The following ABAT variants were observed in gnomAD, a reference collection of about 807,000 sequenced individuals.
ABAT encodes the protein 4-aminobutyrate aminotransferase.
ABAT carries 45 observed loss-of-function variants against 64.6 expected under a neutral mutation model. The ratio of observed to expected loss-of-function variants is 0.70; its 90% CI spans 0.55 to 0.89. The LOEUF (loss-of-function observed/expected upper bound fraction) is 0.89, where lower values mean the gene tolerates loss of function less well. Among genes scored for constraint, ABAT ranks in the 40% least tolerant of loss-of-function variants. The probability of loss-of-function intolerance (pLI) is 0.00; values close to 1 mark genes in which losing one functional copy is unlikely to be tolerated. For missense variants in ABAT, 633 were observed against 658.4 expected (o/e 0.96, Z 0.42); for synonymous variants, 297 against 250.5 (o/e 1.19, Z -1.75).
intron 5 of ABAT, among the ~76,000 whole-genome samples, chr16:8,753,136 C>T (rs893215875): frequency 6.6e-6 from 1 of 150,632 alleles, no homozygotes; most frequent in Admixed American, 6.6e-5. Flanking sequence ...CTCTGTCGCC[C>T]AGGCTGGAGT....
intron 12 of ABAT, among the ~76,000 whole-genome samples, chr16:8,773,692 C>G (rs1418454160): frequency 6.6e-6 from 1 of 152,092 alleles, no homozygotes; most frequent in Non-Finnish European, 1.5e-5. Flanking sequence ...TTAACCAACC[C>G]CTATTTATCT....
At chr16:8,733,455 C>G (rs868035241) in intron 1 of ABAT, among the ~76,000 whole-genome samples, 10 of 151,850 alleles carry the variant, frequency 6.6e-5, no homozygotes, top group Non-Finnish European at 1.3e-4. Flanking sequence ...GCTGCAATCT[C>G]GGCACTTTGG....
intron 6 of ABAT, among the ~76,000 whole-genome samples, chr16:8,759,030 A>G (rs575186400): frequency 6.6e-6 from 1 of 152,234 alleles, no homozygotes; most frequent in East Asian, 1.9e-4. Context: ...TGAACCCAGG[A>G]GGTGGAGGTT....
intron 1 of ABAT, among the ~76,000 whole-genome samples, chr16:8,710,683 TGAGAGAGAGACAGAGAGA>T (rs1171230067): frequency 1.0e-4 from 9 of 87,828 alleles, no homozygotes; most frequent in African/African-American, 1.5e-4. Context: ...AAGGCTGCAC[TGAGAGAGAGACAGAGAGA>T]GAGAGAGAGA....
At chr16:8,742,112 C>G (rs1174525243) in intron 2 of ABAT, among the ~76,000 whole-genome samples, 1 of 152,208 alleles carries the variant, frequency 6.6e-6, no homozygotes, top group African/African-American at 2.4e-5. Context: ...CCTCAGCATT[C>G]CTGGCTTGTG....
chr16:8,726,498 G>A (rs2058561570), intron 1 of ABAT, among the ~76,000 whole-genome samples: 1 of 152,076 alleles, frequency 6.6e-6, no homozygotes, highest in Non-Finnish European at 1.5e-5. Flanking sequence ...ACCTGCCTCA[G>A]CCTCCCAAAG....
At chr16:8,754,282 G>A (rs1246532194) in intron 5 of ABAT, among the ~76,000 whole-genome samples, 1 of 150,530 alleles carries the variant, frequency 6.6e-6, no homozygotes, top group Non-Finnish European at 1.5e-5. Context: ...TTAAGCTAGG[G>A]AGGTTGAGGC....
chr16:8,739,648 G>T (rs1432155175), intron 2 of ABAT, among the ~76,000 whole-genome samples: 3 of 152,130 alleles, frequency 2.0e-5, no homozygotes, highest in African/African-American at 7.2e-5. Flanking sequence ...GAACCCAGGA[G>T]GCGGAGGTTA....
chr16:8,774,683 G>T (rs2060214492), intron 12 of ABAT, among the ~76,000 whole-genome samples: 1 of 152,172 alleles, frequency 6.6e-6, no homozygotes, highest in African/African-American at 2.4e-5. Flanking sequence ...GAAACACTCA[G>T]ATTCAGCTCT....
At chr16:8,758,430 A>G (rs888376976) in intron 6 of ABAT, among the ~76,000 whole-genome samples, 1 of 152,184 alleles carries the variant, frequency 6.6e-6, no homozygotes, top group Non-Finnish European at 1.5e-5. Flanking sequence ...AGAAGAGGGC[A>G]GCGGCAAGGG....
rs1320422010 is a variant in ABAT, at chr16:8,684,717, T to C, written c.-42+10006T>C. Among the ~76,000 whole-genome samples, 4 of 109,220 alleles carry C rather than the reference T, an allele frequency of 3.7e-5. No individual in the cohort carries two copies. In the South Asian group the frequency reaches 1.3e-3, roughly 35 times the overall value. 71.7% of individuals were successfully genotyped at this position (109,220 alleles called of 152,430 possible). The stretch of plus-strand genomic sequence containing the variant: ...CAGCGTGGACAACAGAGTGAGATCC[T>C]GTCTCAAAAAAAAAAAAAAAAAGGT... On this transcript the variant is annotated intron_variant, in intron 1 of 15. Transcript: ENST00000268251.
intron 13 of ABAT, among the ~76,000 whole-genome samples, chr16:8,775,937 C>G (rs569629500): frequency 6.6e-6 from 1 of 152,282 alleles, no homozygotes; most frequent in Non-Finnish European, 1.5e-5. Flanking sequence ...AATCCAGTCC[C>G]AACTCCATCT....
intron 2 of ABAT, among the ~76,000 whole-genome samples, chr16:8,741,244 G>A (rs1431867658): frequency 6.6e-6 from 1 of 152,192 alleles, no homozygotes; most frequent in Non-Finnish European, 1.5e-5. Context: ...ATTCAAACCG[G>A]TTTTTTGCAT....
intron 2 of ABAT, chr16:8,737,531 G>T (rs2058983816): frequency 6.6e-6 from 1 of 151,578 alleles, no homozygotes; most frequent in Non-Finnish European, 1.5e-5. Context: ...TAGATTTACA[G>T]AGAAGTTACA....
intron 11 of ABAT, among the ~76,000 whole-genome samples, chr16:8,770,615 T>A (rs2060078978): frequency 6.6e-6 from 1 of 152,006 alleles, no homozygotes; most frequent in South Asian, 2.1e-4. Flanking sequence ...CTAATTTTTG[T>A]ATTTTTTGCA....
At chr16:8,751,354 C>G (rs1001236337) in intron 5 of ABAT, among the ~76,000 whole-genome samples, 1 of 152,098 alleles carries the variant, frequency 6.6e-6, no homozygotes, top group Non-Finnish European at 1.5e-5. Context: ...TCCCAAAGTG[C>G]TAGGATTTCA....
At chr16:8,727,356 C>T (rs1596426821) in intron 1 of ABAT, among the ~76,000 whole-genome samples, 2 of 152,206 alleles carry the variant, frequency 1.3e-5, no homozygotes, top group Non-Finnish European at 2.9e-5. Flanking sequence ...CCCACTCTCA[C>T]TGTGCACCAG....
At chr16:8,716,559 T>TA (rs1211075148) in intron 1 of ABAT, among the ~76,000 whole-genome samples, 5 of 152,150 alleles carry the variant, frequency 3.3e-5, no homozygotes, top group Admixed American at 6.5e-5. Context: ...TCACACAGGG[T>TA]CCCGTGTTCA....
chr16:8,734,936 A>G (rs2058868842), intron 1 of ABAT, among the ~76,000 whole-genome samples: 1 of 152,006 alleles, frequency 6.6e-6, no homozygotes, highest in African/African-American at 2.4e-5. Flanking sequence ...GGCTGGACAC[A>G]GTGGTTCATA....
Sources: allele counts gnomAD v4.1 joint callset (sites outside exome capture counted in the v4.1 genomes callset), GRCh38; gene constraint gnomAD v4.1.1; transcripts MANE v1.5; gene names NCBI Gene and HGNC (gene_info 2026-07-23, HGNC 2026-07-21).